NFIA: variants seen among roughly 807,000 people sequenced by gnomAD.
NFIA encodes nuclear factor I A.
Under a neutral mutation model 62.8 loss-of-function variants are expected in NFIA, and 8 were observed. That is an observed-to-expected ratio of 0.13 (90% CI 0.07 to 0.23). NFIA has a LOEUF of 0.23. Among genes scored for constraint, NFIA ranks in the 10% least tolerant of loss-of-function variants. NFIA has a pLI of 1.00. For synonymous variants in NFIA, 235 were observed against 238.1 expected, an observed-to-expected ratio of 0.99 and a Z score of 0.12; for missense variants, 410 against 642.1, an observed-to-expected ratio of 0.64 and a Z score of 3.91.
chr1:61,257,606 G>A (rs1240855505), intron 2 of NFIA, among the ~76,000 whole-genome samples: 1 of 152,036 alleles, frequency 6.6e-6, no homozygotes, highest in African/African-American at 2.4e-5. Flanking sequence ...CCAAAGTGCT[G>A]GGATTATAGG....
chr1:61,348,201 G>C (rs1173133249), intron 4 of NFIA, among the ~76,000 whole-genome samples: 1 of 152,194 alleles, frequency 6.6e-6, no homozygotes, highest in African/African-American at 2.4e-5. Context: ...CTTTGGCTGT[G>C]ACAGTGTCAC....
chr1:61,386,573 G>A lies in NFIA; in HGVS notation c.1075+3208G>A, dbSNP rs190231739. Among the ~76,000 whole-genome samples, 71 of 152,148 alleles carry A rather than the reference G, an allele frequency of 4.7e-4. 2 individuals are homozygous for A. The East Asian group carries it at 0.013, about 28-fold the overall frequency. On this transcript the variant is annotated intron_variant, in intron 7 of 10. Transcript: ENST00000403491. ...CAATAACTGTCCAACACACATCCACGCTCAGAATGGAGATGAGATTTTACA... is the reference window on the plus strand; with the variant it reads ...CAATAACTGTCCAACACACATCCACACTCAGAATGGAGATGAGATTTTACA...
At chr1:61,305,367 C>T (rs1261339754) in intron 3 of NFIA, among the ~76,000 whole-genome samples, 2 of 152,148 alleles carry the variant, frequency 1.3e-5, no homozygotes, top group Admixed American at 1.3e-4. Context: ...AAGCATCAGG[C>T]CAGAACCTCC....
intron 2 of NFIA, among the ~76,000 whole-genome samples, chr1:61,091,710 C>T (rs1049123036): frequency 6.6e-6 from 1 of 152,100 alleles, no homozygotes; most frequent in Admixed American, 6.6e-5. Context: ...TCAGAATCTA[C>T]AATATACCCG....
Position 61,171,706 on chromosome 1 carries a change from T to C in NFIA, c.559+83026T>C, listed in dbSNP as rs115574103. On this transcript the variant is annotated intron_variant, in intron 2 of 10. Transcript: ENST00000403491. The stretch of plus-strand genomic sequence containing the variant: ...GCTATCATTCCTATGGTGCTATACC[T>C]GTGTGGGTGTGGATGTGATGGTGTG... Among the ~76,000 whole-genome samples, 1,370 of 152,286 alleles carry C rather than the reference T, an allele frequency of 9.0e-3. 22 individuals carry two copies. The highest frequency in any genetic ancestry group is 0.031 in the African/African-American group (1,280 of 41,574).
At chr1:61,113,595 A>AG (rs1194639660) in intron 2 of NFIA, among the ~76,000 whole-genome samples, 22 of 62,542 alleles carry the variant, frequency 3.5e-4, no homozygotes, top group South Asian at 1.5e-3. Flanking sequence ...ACTCCATCTC[A>AG]GAAAAAAAAA....
intron 2 of NFIA, among the ~76,000 whole-genome samples, chr1:61,244,054 TG>T (rs1655502053): frequency 6.6e-6 from 1 of 152,202 alleles, no homozygotes; most frequent in Non-Finnish European, 1.5e-5. Context: ...AATTAGTACA[TG>T]GGGTGTATGT....
At chr1:61,282,225 C>G (rs1458575002) in intron 3 of NFIA, among the ~76,000 whole-genome samples, 1 of 151,922 alleles carries the variant, frequency 6.6e-6, no homozygotes, top group Admixed American at 6.6e-5. Flanking sequence ...TGAAACATCA[C>G]CATTTCAGTT....
intron 2 of NFIA, among the ~76,000 whole-genome samples, chr1:61,098,751 T>C (rs1459279179): frequency 1.3e-5 from 2 of 152,232 alleles, no homozygotes; most frequent in African/African-American, 4.8e-5. Context: ...AAATGAACTT[T>C]TATTGATTTC....
chr1:61,167,394 T>C (rs1315452322), intron 2 of NFIA, among the ~76,000 whole-genome samples: 9 of 152,226 alleles, frequency 5.9e-5, no homozygotes, highest in Admixed American at 5.9e-4. Flanking sequence ...TGATATTATT[T>C]CATAGCTATT....
intron 2 of NFIA, among the ~76,000 whole-genome samples, chr1:61,244,898 A>G (rs751230063): frequency 2.6e-5 from 4 of 152,180 alleles, no homozygotes; most frequent in Non-Finnish European, 5.9e-5. Context: ...TAAATTGTCA[A>G]CCATTAAGTA....
At chr1:61,427,486 C>T (rs1666920873) in intron 10 of NFIA, among the ~76,000 whole-genome samples, 1 of 152,158 alleles carries the variant, frequency 6.6e-6, no homozygotes, top group Admixed American at 6.5e-5. Flanking sequence ...CAATTTTGTG[C>T]ACATGCCTGT....
chr1:61,265,439 A>G (rs1036866115), intron 2 of NFIA, among the ~76,000 whole-genome samples: 1 of 152,200 alleles, frequency 6.6e-6, no homozygotes, highest in Non-Finnish European at 1.5e-5. Context: ...ATATATGCCT[A>G]TTTCCACTTA....
At chr1:61,218,248 G>C (rs1021864030) in intron 2 of NFIA, among the ~76,000 whole-genome samples, 2 of 152,220 alleles carry the variant, frequency 1.3e-5, no homozygotes, top group Non-Finnish European at 2.9e-5. Context: ...TGTTACAATT[G>C]TAAGAGATGT....
intron 2 of NFIA, among the ~76,000 whole-genome samples, chr1:61,142,214 T>G (rs555849820): frequency 6.6e-6 from 1 of 152,032 alleles, no homozygotes; most frequent in Non-Finnish European, 1.5e-5. Context: ...CCTAAACAAC[T>G]AAAAAGACTG....
intron 3 of NFIA, among the ~76,000 whole-genome samples, chr1:61,292,686 A>C (rs1014960440): frequency 6.6e-6 from 1 of 152,336 alleles, no homozygotes; most frequent in African/African-American, 2.4e-5. Flanking sequence ...AAGTGTTCAG[A>C]GAAGAGCTTG....
At chr1:61,179,708 T>G (rs1478254648) in intron 2 of NFIA, among the ~76,000 whole-genome samples, 1 of 152,186 alleles carries the variant, frequency 6.6e-6, no homozygotes, top group Non-Finnish European at 1.5e-5. Context: ...ATTCAAACCC[T>G]ATGTAGGCCC....
At chr1:61,141,362 C>A in intron 2 of NFIA, among the ~76,000 whole-genome samples, 1 of 152,034 alleles carries the variant, frequency 6.6e-6, no homozygotes, top group Non-Finnish European at 1.5e-5. Context: ...CATTCTTAAC[C>A]CTGTCGTCCA....
intron 2 of NFIA, among the ~76,000 whole-genome samples, chr1:61,225,979 C>T (rs1239324401): frequency 6.6e-6 from 1 of 152,144 alleles, no homozygotes; most frequent in East Asian, 1.9e-4. Flanking sequence ...AAACAGGATT[C>T]TGACAGTAAT....
Sources: gnomAD v4.1 joint callset for allele counts (sites outside exome capture counted in the v4.1 genomes callset) on GRCh38, gnomAD v4.1.1 for gene constraint, MANE v1.5 for transcripts, NCBI Gene and HGNC (gene_info 2026-07-23, HGNC 2026-07-21) for gene names.